The following RAB3GAP1 variants were observed in gnomAD, a reference collection of about 807,000 sequenced individuals.
RAB3GAP1 encodes the protein rab3 GTPase-activating protein catalytic subunit.
Under a neutral mutation model 130.7 loss-of-function variants are expected in RAB3GAP1, and 86 were observed. The ratio of observed to expected loss-of-function variants is 0.66; its 90% CI spans 0.55 to 0.79. The LOEUF (loss-of-function observed/expected upper bound fraction) is 0.79, where lower values mean the gene tolerates loss of function less well. Ranked by LOEUF, RAB3GAP1 falls within the 30% of genes least tolerant of loss-of-function variation. The pLI, the probability that RAB3GAP1 is intolerant of heterozygous loss-of-function variation, is 0.00. For missense variants in RAB3GAP1, 1,029 were observed against 1,169.4 expected (o/e 0.88, Z 1.75); for synonymous variants, 367 against 401.7 (o/e 0.91, Z 1.03).
At chr2:135,105,575 C>G (rs1262996083) in intron 5 of RAB3GAP1, among the ~76,000 whole-genome samples, 1 of 152,042 alleles carries the variant, frequency 6.6e-6, no homozygotes, top group Non-Finnish European at 1.5e-5. Flanking sequence ...GTGATCTCGG[C>G]TCGCTACAAC....
chr2:135,078,983 T>G (rs1442996472), intron 3 of RAB3GAP1, among the ~76,000 whole-genome samples: 1 of 152,148 alleles, frequency 6.6e-6, no homozygotes, highest in African/African-American at 2.4e-5. Flanking sequence ...TTCTCCTGCC[T>G]CAGACTCCTG....
downstream of RAB3GAP1, among the ~76,000 whole-genome samples, chr2:135,172,735 C>T (rs181592936): frequency 6.0e-4 from 92 of 152,202 alleles, no homozygotes; most frequent in Admixed American, 1.4e-3. Context: ...GGGGCTGCTG[C>T]GAGTGATGAA....
downstream of RAB3GAP1, among the ~76,000 whole-genome samples, chr2:135,173,094 C>T (rs986655301): frequency 2.6e-5 from 4 of 152,084 alleles, no homozygotes; most frequent in African/African-American, 7.2e-5. Context: ...CTAAGCCACT[C>T]CCAGATGACT....
intron 17 of RAB3GAP1, among the ~76,000 whole-genome samples, chr2:135,145,723 T>A (rs1691973104): frequency 6.6e-6 from 1 of 152,192 alleles, no homozygotes. Flanking sequence ...ACACTTAAAT[T>A]TTAGCTATTA....
At chr2:135,172,641 G>A (rs1447528967), downstream of RAB3GAP1, among the ~76,000 whole-genome samples, 1 of 152,212 alleles carries the variant, frequency 6.6e-6, no homozygotes, top group Non-Finnish European at 1.5e-5. Context: ...GGGTCTGAGA[G>A]TCAAGGATGA....
chr2:135,100,205 G>T lies in RAB3GAP1; in HGVS notation c.362+6512G>T, dbSNP rs116744601. On this transcript the variant is annotated intron_variant, in intron 5 of 23. Transcript: ENST00000264158. ...GCTAAAATACATGGTATTGTCAGACGTAAACAGACTTTTCTTCCATCATTC... is the reference window on the plus strand; with the variant it reads ...GCTAAAATACATGGTATTGTCAGACTTAAACAGACTTTTCTTCCATCATTC... Among the ~76,000 whole-genome samples the T allele has an allele frequency of 5.6e-3, 855 of 152,240 alleles. 7 individuals carry two copies. The highest frequency in any genetic ancestry group is 0.02 in the African/African-American group (814 of 41,554).
chr2:135,099,968 G>A lies in RAB3GAP1; in HGVS notation c.362+6275G>A, dbSNP rs72978341. On this transcript the variant is annotated intron_variant, in intron 5 of 23. Coordinates refer to ENST00000264158, the MANE Select transcript of RAB3GAP1 (RefSeq NM_012233.3). The stretch of plus-strand genomic sequence containing the variant: ...GGCAGCTTCCAAGTCCCAGGGCCTC[G>A]TAAGCAGAGGCACAGTTATGGATGA... Among the ~76,000 whole-genome samples, 10 of 152,060 alleles carry A rather than the reference G, an allele frequency of 6.6e-5. No homozygotes were observed. The East Asian group carries it at 1.5e-3, about 23-fold the overall frequency.
intron 12 of RAB3GAP1, 145 bp from the exon 13 acceptor site, chr2:135,130,407 G>T (rs1294874663): frequency 4.2e-6 from 3 of 716,972 alleles, no homozygotes; most frequent in African/African-American, 3.6e-5. Context: ...AGCTGAACAT[G>T]TATATTAATA....
intron 19 of RAB3GAP1, among the ~76,000 whole-genome samples, chr2:135,158,911 T>C (rs1692390551): frequency 6.6e-6 from 1 of 152,044 alleles, no homozygotes; most frequent in Admixed American, 6.6e-5. Context: ...TGAGGGAACA[T>C]TAGATGAACC....
intron 5 of RAB3GAP1, among the ~76,000 whole-genome samples, chr2:135,112,427 A>G (rs182446028): frequency 2.3e-3 from 354 of 152,372 alleles, no homozygotes; most frequent in African/African-American, 6.2e-3. Flanking sequence ...GGTGTCTTCA[A>G]TAACCCAGGC....
At chr2:135,176,206 T>C (rs1214872271) in intron 24 of RAB3GAP1, 3 of 152,150 alleles carry the variant, frequency 2.0e-5, no homozygotes, top group Middle Eastern at 3.2e-3. Flanking sequence ...TGCTATACTA[T>C]AAAAGTATGG....
intron 3 of RAB3GAP1, among the ~76,000 whole-genome samples, chr2:135,088,018 T>C (rs1448263445): frequency 6.6e-6 from 1 of 152,220 alleles, no homozygotes; most frequent in African/African-American, 2.4e-5. Context: ...GAGTGTTGTT[T>C]ATCAGTTGAG....
At chr2:135,133,027 C>T (rs760200762) in intron 14 of RAB3GAP1, 43 bp downstream of exon 14, 3 of 1,147,210 alleles carry the variant, frequency 2.6e-6, no homozygotes, top group South Asian at 2.5e-5. Context: ...TTTAAATGCA[C>T]TGAATTTCTA....
chr2:135,164,993 T>C, intron 23 of RAB3GAP1: 1 of 391,844 alleles, frequency 2.6e-6, no homozygotes, highest in South Asian at 2.0e-5. Flanking sequence ...GCCAGTGCTG[T>C]GCTGTGGGAA....
intron 7 of RAB3GAP1, among the ~76,000 whole-genome samples, chr2:135,117,052 AT>A (rs1288093120): frequency 6.6e-6 from 1 of 151,854 alleles, no homozygotes; most frequent in Non-Finnish European, 1.5e-5. Context: ...TAAAAAAAAA[AT>A]AATGCATTTA....
chr2:135,072,244 C>T (rs555435350), intron 3 of RAB3GAP1, among the ~76,000 whole-genome samples: 22 of 152,244 alleles, frequency 1.4e-4, no homozygotes, highest in Non-Finnish European at 2.6e-4. Flanking sequence ...AGGGACTTAT[C>T]GGAGAGGGGG....
At chr2:135,152,885 T>G (rs1446482084) in intron 18 of RAB3GAP1, 1 of 152,342 alleles carries the variant, frequency 6.6e-6, no homozygotes, top group African/African-American at 2.4e-5. Context: ...AGCCTCGTCT[T>G]TTTTTCCAAG....
chr2:135,163,673 C>T (rs979094799), intron 22 of RAB3GAP1, among the ~76,000 whole-genome samples: 19 of 152,164 alleles, frequency 1.2e-4, no homozygotes, highest in Admixed American at 7.2e-4. Flanking sequence ...AGTGTGAGGC[C>T]CTGTTCATTT....
rs372861181 is a variant in RAB3GAP1, at chr2:135,105,993, C to T, written c.363-7158C>T. On this transcript the variant is annotated intron_variant, in intron 5 of 23. Coordinates refer to ENST00000264158, the MANE Select transcript of RAB3GAP1 (RefSeq NM_012233.3). Reference sequence around the variant, plus strand: ...CTGAGAAGTGAGGAGCCCCTCCGCCCGGCAGCTGCCCCGTCTGAGAAGTGA... The same window carrying T: ...CTGAGAAGTGAGGAGCCCCTCCGCCTGGCAGCTGCCCCGTCTGAGAAGTGA... Among the ~76,000 whole-genome samples the T allele has an allele frequency of 1.5e-4, 22 of 150,654 alleles. No individual in the cohort carries two copies. In the East Asian group the frequency reaches 3.4e-3, roughly 23 times the overall value.
Sources: gnomAD v4.1 joint callset for allele counts (sites outside exome capture counted in the v4.1 genomes callset) on GRCh38, gnomAD v4.1.1 for gene constraint, MANE v1.5 for transcripts, NCBI Gene and HGNC (gene_info 2026-07-23, HGNC 2026-07-21) for gene names.